Variants in DOCK2 observed in about 807,000 individuals in gnomAD.
DOCK2 encodes the protein dedicator of cytokinesis protein 2.
A neutral mutation model predicts 248.9 loss-of-function variants in DOCK2; 87 were observed. The ratio of observed to expected loss-of-function variants is 0.35; its 90% CI spans 0.29 to 0.42. DOCK2 has a LOEUF of 0.42. Ranked by LOEUF, DOCK2 falls within the 10% of genes least tolerant of loss-of-function variation. DOCK2 has a pLI of 1.00. For missense variants in DOCK2, 1,747 were observed against 2,300.2 expected, an observed-to-expected ratio of 0.76 and a Z score of 4.92; for synonymous variants, 805 against 821.6, an observed-to-expected ratio of 0.98 and a Z score of 0.35.
In DOCK2 at chr5:170,020,722, C is replaced by T. The variant is rs76534424; in HGVS notation, c.3381+1614C>T. 9.4e-3 allele frequency among the ~76,000 whole-genome samples: 1,427 copies of T among 152,334 alleles called. 29 individuals are homozygous for T. Among genetic ancestry groups the T allele is most frequent in the African/African-American group, 0.032 (1,327 of 41,582 alleles). ...CGATTCCTAAACCCATGCTGCAACC[C>T]GTACTATCCAGCCACCAGTATCTCC... On this transcript the variant is annotated intron_variant, in intron 33 of 51. Coordinates refer to ENST00000520908, the MANE Select transcript of DOCK2 (RefSeq NM_004946.3).
chr5:169,989,124 T>A (rs540241845), intron 29 of DOCK2, among the ~76,000 whole-genome samples: 8 of 152,354 alleles, frequency 5.3e-5, no homozygotes, highest in African/African-American at 1.9e-4. Flanking sequence ...TTTACTTATC[T>A]GTTTGTTGGA....
chr5:169,744,942 A>T (rs1235005260), intron 22 of DOCK2, among the ~76,000 whole-genome samples: 1 of 152,164 alleles, frequency 6.6e-6, no homozygotes, highest in African/African-American at 2.4e-5. Flanking sequence ...GAAAGAGCCC[A>T]TGTGTCTGTA....
intron 20 of DOCK2, among the ~76,000 whole-genome samples, chr5:169,717,004 A>G (rs1284271932): frequency 1.3e-5 from 2 of 152,218 alleles, no homozygotes; most frequent in African/African-American, 2.4e-5. Flanking sequence ...CTCAGAAAAG[A>G]TGTTTCATGA....
intron 25 of DOCK2, among the ~76,000 whole-genome samples, chr5:169,766,449 C>T (rs1306025657): frequency 6.6e-6 from 1 of 152,212 alleles, no homozygotes; most frequent in Non-Finnish European, 1.5e-5. Context: ...ATATGTACCA[C>T]ATTTTCTTTA....
At position 169,708,286 on chromosome 5, in the gene DOCK2, A is replaced by G; in HGVS notation, c.1482+19A>G. 3 of 1,606,734 alleles carry G rather than the reference A, an allele frequency of 1.9e-6. No homozygotes were observed. Among genetic ancestry groups the G allele is most frequent in the Non-Finnish European group, 2.6e-6 (3 of 1,174,704 alleles). On this transcript the variant is annotated intron_variant, in intron 15 of 51. Coordinates refer to ENST00000520908, the MANE Select transcript of DOCK2 (RefSeq NM_004946.3). Reference sequence around the variant, plus strand: ...AGTCAAGGTAATAATTAATAATAGCAGCAAACACATGTCTAGTTCTTACCA... The same window carrying G: ...AGTCAAGGTAATAATTAATAATAGCGGCAAACACATGTCTAGTTCTTACCA...
chr5:170,076,645 C>T (rs1360531211), intron 47 of DOCK2, among the ~76,000 whole-genome samples: 1 of 152,212 alleles, frequency 6.6e-6, no homozygotes, highest in Admixed American at 6.5e-5. Flanking sequence ...TCCTTATTAA[C>T]TGGTGTTATA....
At chr5:169,681,277 C>T (rs780602771) in intron 6 of DOCK2, among the ~76,000 whole-genome samples, 3 of 151,884 alleles carry the variant, frequency 2.0e-5, no homozygotes, top group Non-Finnish European at 4.4e-5. Flanking sequence ...GAGCTCACCA[C>T]CATGCCTGGC....
rs748547934 is a variant in DOCK2, at chr5:169,695,946, G to A, written c.979+8G>A. The A allele has an allele frequency of 2.5e-6, 4 of 1,583,048 alleles. No homozygotes were observed. The highest frequency in any genetic ancestry group is 2.3e-5 in the South Asian group (2 of 86,950). On this transcript the variant is annotated splice_region_variant and intron_variant, in intron 10 of 51. Coordinates refer to ENST00000520908, the MANE Select transcript of DOCK2 (RefSeq NM_004946.3). ...GGCCCTTTGGGGTGGCAGGTAAGGG[G>A]CACACTCTGCATCATTGATTTTTAT...
intron 27 of DOCK2, among the ~76,000 whole-genome samples, chr5:169,873,796 A>C (rs910386872): frequency 6.6e-6 from 1 of 152,200 alleles, no homozygotes; most frequent in Non-Finnish European, 1.5e-5. Context: ...ACCAAGAAGG[A>C]AACTCCCAGA....
intron 32 of DOCK2, among the ~76,000 whole-genome samples, chr5:170,015,335 T>C (rs1442078381): frequency 1.3e-5 from 2 of 152,096 alleles, no homozygotes; most frequent in Middle Eastern, 3.2e-3. Flanking sequence ...ACAAGCACAA[T>C]ACCACACAAC....
intron 22 of DOCK2, among the ~76,000 whole-genome samples, chr5:169,722,634 T>C (rs1287554632): frequency 6.6e-6 from 1 of 152,190 alleles, no homozygotes; most frequent in African/African-American, 2.4e-5. Context: ...AACCAGTTCA[T>C]TGTGTTTCAA....
At chr5:170,013,095 G>A (rs72494512) in intron 32 of DOCK2, among the ~76,000 whole-genome samples, 1 of 151,980 alleles carries the variant, frequency 6.6e-6, no homozygotes, top group Admixed American at 6.6e-5. Flanking sequence ...ATTCCATGTG[G>A]GGAAATGGCT....
At chr5:170,018,304 A>G (rs1243054520) in intron 32 of DOCK2, among the ~76,000 whole-genome samples, 2 of 152,190 alleles carry the variant, frequency 1.3e-5, no homozygotes, top group Non-Finnish European at 2.9e-5. Context: ...GCAAAGGGGC[A>G]TAATGTGCAC....
chr5:169,644,089 T>A (rs565161849), intron 1 of DOCK2, among the ~76,000 whole-genome samples: 1 of 152,192 alleles, frequency 6.6e-6, no homozygotes, highest in East Asian at 1.9e-4. Context: ...GTAAGCAAGA[T>A]GCAAAGCAGT....
At chr5:169,933,618 G>A (rs1338087602) in intron 27 of DOCK2, among the ~76,000 whole-genome samples, 5 of 152,056 alleles carry the variant, frequency 3.3e-5, no homozygotes, top group Admixed American at 2.6e-4. Context: ...TTCTTCCTTC[G>A]TTCGGCCTCC....
intron 51 of DOCK2, 94 bp downstream of exon 51, chr5:170,082,078 A>C: frequency 6.6e-7 from 1 of 1,515,842 alleles, no homozygotes; most frequent in Non-Finnish European, 8.9e-7. Context: ...TTGTGTGTGC[A>C]TATGTGGTCA....
intron 36 of DOCK2, 51 bp downstream of exon 36, chr5:170,036,606 C>G: frequency 6.4e-7 from 1 of 1,574,584 alleles, no homozygotes; most frequent in Non-Finnish European, 8.7e-7. Flanking sequence ...CTTTCCTGCT[C>G]AGTATCCATC....
chr5:169,744,545 C>G (rs1298136774), intron 22 of DOCK2, among the ~76,000 whole-genome samples: 1 of 151,896 alleles, frequency 6.6e-6, no homozygotes, highest in Admixed American at 6.6e-5. Flanking sequence ...ACAAAACCAG[C>G]CAGGGCTAGT....
chr5:169,871,486 T>A (rs1018806679), intron 27 of DOCK2, among the ~76,000 whole-genome samples: 1 of 152,152 alleles, frequency 6.6e-6, no homozygotes, highest in Non-Finnish European at 1.5e-5. Flanking sequence ...ATTCTCACAA[T>A]CCCATGGGAT....
Sources: allele counts gnomAD v4.1 joint callset (sites outside exome capture counted in the v4.1 genomes callset), GRCh38; gene constraint gnomAD v4.1.1; transcripts MANE v1.5; gene names NCBI Gene and HGNC (gene_info 2026-07-23, HGNC 2026-07-21).